VIT: variants seen among roughly 807,000 people sequenced by gnomAD.
VIT encodes vitrin.
VIT carries 99 observed loss-of-function variants against 78.0 expected under a neutral mutation model. The observed-to-expected ratio is 1.27, with a 90% CI of 1.08 to 1.50. The LOEUF is 1.50. Among genes scored for constraint, VIT ranks in the 40% most tolerant of loss-of-function variants. The pLI is 0.00. For synonymous variants in VIT, 374 were observed against 334.3 expected (o/e 1.12, Z -1.29); for missense variants, 1,126 against 875.3 (o/e 1.29, Z -3.61).
chr2:36,808,338 G>A, intron 14 of VIT, 134 bp from the exon 15 acceptor site: 5 of 1,261,102 alleles, frequency 4.0e-6, no homozygotes, highest in Non-Finnish European at 5.3e-6. Flanking sequence ...CGAGATGGAA[G>A]AACACGGTAG....
chr2:36,809,081 GT>G, intron 15 of VIT, 96 bp downstream of exon 15: 1 of 1,461,344 alleles, frequency 6.8e-7, no homozygotes, highest in Non-Finnish European at 9.1e-7. Flanking sequence ...TTATGCATTG[GT>G]TTTTTCTGCG....
chr2:36,735,395 G>A (rs1226798230), intron 3 of VIT, among the ~76,000 whole-genome samples: 1 of 152,118 alleles, frequency 6.6e-6, no homozygotes, highest in South Asian at 2.1e-4. Flanking sequence ...ATCAAATTAA[G>A]TCTGACTCCA....
chr2:36,742,189 G>A (rs144414092), intron 3 of VIT, among the ~76,000 whole-genome samples: 207 of 152,248 alleles, frequency 1.4e-3, no homozygotes, highest in African/African-American at 4.8e-3. Context: ...TGGAGTTATT[G>A]AGGAAAAATC....
intron 7 of VIT, among the ~76,000 whole-genome samples, chr2:36,770,920 A>C (rs997231175): frequency 6.6e-6 from 1 of 152,150 alleles, no homozygotes; most frequent in African/African-American, 2.4e-5. Context: ...GATGACAGAG[A>C]TCCTCCACCT....
intron 3 of VIT, among the ~76,000 whole-genome samples, chr2:36,730,763 G>C (rs996676008): frequency 3.3e-5 from 5 of 152,188 alleles, no homozygotes; most frequent in East Asian, 3.9e-4. Flanking sequence ...TATCGAGTGA[G>C]GGAACAACTC....
intron 14 of VIT, among the ~76,000 whole-genome samples, chr2:36,807,270 T>C (rs917713355): frequency 7.9e-5 from 12 of 152,176 alleles, no homozygotes; most frequent in Non-Finnish European, 1.6e-4. Context: ...TTGCTACCCA[T>C]TGCTCTCAAG....
At chr2:36,744,431 A>T (rs1357486918) in intron 4 of VIT, among the ~76,000 whole-genome samples, 2 of 152,244 alleles carry the variant, frequency 1.3e-5, no homozygotes, top group Non-Finnish European at 2.9e-5. Flanking sequence ...ACTAATTTAC[A>T]TTCCCACCAA....
chr2:36,743,231 AGT>A lies in VIT; in HGVS notation c.258_259del (p.Cys86TrpfsTer10). Reference sequence around the variant, plus strand: ...CACTGACGTGTATGCATCCTACTCCAGTGTGTGTGGCGCTGCCGTACACAGGT... The same window carrying A: ...CACTGACGTGTATGCATCCTACTCCAGTGTGTGGCGCTGCCGTACACAGGT... Reference protein sequence around the residue: ...YGTDVYASYSSVCGAAVHSGV... With the variant: ...YGTDVYASYSXVCGAAVHSGV... On this transcript the variant is annotated frameshift_variant, in exon 4 of 16. Transcript: ENST00000379242. LOFTEE classifies it high-confidence loss of function. 6.2e-7 allele frequency: 1 copy of A among 1,614,000 alleles called. No individual in the cohort carries two copies. Among genetic ancestry groups the A allele is most frequent in the South Asian group, 1.1e-5 (1 of 91,060 alleles).
chr2:36,773,139 T>C (rs1669853459), intron 7 of VIT, among the ~76,000 whole-genome samples: 1 of 152,206 alleles, frequency 6.6e-6, no homozygotes, highest in Non-Finnish European at 1.5e-5. Flanking sequence ...GAATGTTAAG[T>C]GACACTTCTA....
Position 36,739,686 on chromosome 2 carries a change from C to T in VIT, c.119-3414C>T, listed in dbSNP as rs140212558. ...AGGTGCTCTAATGTGATTTCTGATA[C>T]GAAAGTGAGAGCGTCTATGAGAAGG... On this transcript the variant is annotated intron_variant, in intron 3 of 15. Coordinates refer to ENST00000379242, the MANE Select transcript of VIT (RefSeq NM_053276.4). 1.0e-3 allele frequency among the ~76,000 whole-genome samples: 158 copies of T among 152,102 alleles called. 1 individual carries two copies. In the East Asian group the frequency reaches 0.026, roughly 25 times the overall value.
intron 12 of VIT, 33 bp downstream of exon 12, chr2:36,787,309 G>A: frequency 6.3e-7 from 1 of 1,594,250 alleles, no homozygotes; most frequent in Non-Finnish European, 8.6e-7. Context: ...ATCCAGAAAG[G>A]AAGTCATGCC....
intron 3 of VIT, among the ~76,000 whole-genome samples, chr2:36,742,010 C>T (rs1465507490): frequency 1.3e-5 from 2 of 152,176 alleles, no homozygotes; most frequent in African/African-American, 4.8e-5. Flanking sequence ...TTTCTACAAA[C>T]CATCCCTTTC....
At chr2:36,703,179 A>G (rs1452319092) in intron 1 of VIT, among the ~76,000 whole-genome samples, 1 of 152,252 alleles carries the variant, frequency 6.6e-6, no homozygotes, top group Non-Finnish European at 1.5e-5. Flanking sequence ...GAGCTGATTG[A>G]GAACCAAGAT....
At chr2:36,705,994 T>C (rs1180348163) in intron 1 of VIT, among the ~76,000 whole-genome samples, 1 of 152,206 alleles carries the variant, frequency 6.6e-6, no homozygotes, top group Non-Finnish European at 1.5e-5. Context: ...AACACTATTA[T>C]ATGTCTCCTG....
At position 36,805,450 on chromosome 2, in the gene VIT, C is replaced by T. The variant is rs2148674016; in HGVS notation, c.1175C>T (p.Ser392Phe). ...GGLSNVGRAI[S>F]FVTKNFFSKA... ...CTTTTTCTTCCAGGTCGGGCCATCT[C>T]CTTTGTGACCAAGAACTTCTTTTCC... The change falls in exon 14 of 16, where the codon TCC (serine) becomes TTC (phenylalanine). Residue 392 changes from serine (S) to phenylalanine (F), a missense_variant. Physicochemically the swap from Ser to Phe is radical, Grantham distance 155. Transcript: ENST00000379242. 1.9e-6 allele frequency: 3 copies of T among 1,611,116 alleles called. No individual in the cohort carries two copies. Among genetic ancestry groups the T allele is most frequent in the Non-Finnish European group, 2.5e-6 (3 of 1,178,554 alleles).
chr2:36,783,298 C>G (rs1479735617), intron 10 of VIT, 42 bp from the exon 11 acceptor site: 1 of 1,609,350 alleles, frequency 6.2e-7, no homozygotes, highest in Non-Finnish European at 8.5e-7. Flanking sequence ...CCAGCTGCTT[C>G]CTTTCCTTGT....
chr2:36,806,684 C>G (rs1291726680), intron 14 of VIT, among the ~76,000 whole-genome samples: 2 of 152,116 alleles, frequency 1.3e-5, no homozygotes, highest in African/African-American at 4.8e-5. Context: ...ATAGCTGGGA[C>G]TACAGGCACA....
intron 1 of VIT, among the ~76,000 whole-genome samples, chr2:36,712,665 G>A (rs1409870750): frequency 1.3e-5 from 2 of 152,036 alleles, no homozygotes; most frequent in African/African-American, 4.8e-5. Context: ...CTAAAACCCC[G>A]TCTGTACTAA....
In VIT at chr2:36,808,629, A is replaced by C; in HGVS notation, c.1547A>C (p.Asp516Ala). ...LNSADIGFVIDGSSSVGTGNF... is the reference protein window; with the variant it reads ...LNSADIGFVIAGSSSVGTGNF... ...TCGGCTGACATTGGCTTCGTCATCGACGGCTCCAGCAGTGTGGGGACGGGC... is the reference window on the plus strand; with the variant it reads ...TCGGCTGACATTGGCTTCGTCATCGCCGGCTCCAGCAGTGTGGGGACGGGC... The change falls in exon 15 of 16, where the codon GAC becomes GCC. Residue 516 changes from aspartate to alanine, a missense_variant. Coordinates refer to ENST00000379242, the MANE Select transcript of VIT (RefSeq NM_053276.4). 1 of 1,614,208 alleles carries C rather than the reference A, an allele frequency of 6.2e-7. No homozygotes were observed. Among genetic ancestry groups the C allele is most frequent in the Non-Finnish European group, 8.5e-7 (1 of 1,180,028 alleles).
Sources: allele counts gnomAD v4.1 joint callset (sites outside exome capture counted in the v4.1 genomes callset), GRCh38; gene constraint gnomAD v4.1.1; transcripts MANE v1.5; gene names NCBI Gene and HGNC (gene_info 2026-07-23, HGNC 2026-07-21).